VPS41: variants seen among roughly 807,000 people sequenced by gnomAD.
The protein encoded by VPS41 is vacuolar protein sorting-associated protein 41 homolog.
In VPS41, 85 loss-of-function variants were observed where a neutral mutation model predicts 130.9. The ratio of observed to expected loss-of-function variants is 0.65; its 90% CI spans 0.55 to 0.78. The LOEUF (loss-of-function observed/expected upper bound fraction) is 0.78. Ranked by LOEUF, VPS41 falls within the 30% of genes least tolerant of loss-of-function variation. VPS41 has a pLI of 0.00. For synonymous variants in VPS41, 335 were observed against 332.9 expected (o/e 1.01, Z -0.07); for missense variants, 874 against 1,018.7 (o/e 0.86, Z 1.93).
intron 9 of VPS41, among the ~76,000 whole-genome samples, chr7:38,791,190 T>G (rs1362828548): frequency 2.0e-5 from 3 of 152,222 alleles, no homozygotes; most frequent in African/African-American, 7.2e-5. Context: ...TTCTCCAATT[T>G]TCTTCCCTTC....
intron 4 of VPS41, among the ~76,000 whole-genome samples, chr7:38,839,595 A>AT (rs1375052574): frequency 6.6e-6 from 1 of 151,482 alleles, no homozygotes; most frequent in Non-Finnish European, 1.5e-5. Flanking sequence ...CGTCCAGCTA[A>AT]TTTTTTTGTA....
At chr7:38,817,274 C>T (rs1785072056) in intron 7 of VPS41, among the ~76,000 whole-genome samples, 2 of 152,140 alleles carry the variant, frequency 1.3e-5, no homozygotes, top group South Asian at 4.1e-4. Context: ...GATGTAACAG[C>T]TCTCTTATTT....
intron 4 of VPS41, among the ~76,000 whole-genome samples, chr7:38,834,010 C>T (rs555128495): frequency 4.0e-4 from 60 of 151,746 alleles, no homozygotes; most frequent in African/African-American, 9.9e-4. Context: ...AACCTATAAA[C>T]GCTAATTTTC....
At chr7:38,729,331 T>C (rs1795611832) in intron 25 of VPS41, among the ~76,000 whole-genome samples, 1 of 152,162 alleles carries the variant, frequency 6.6e-6, no homozygotes. Flanking sequence ...ACAATCTCTG[T>C]CTTAAATCCC....
At chr7:38,868,880 C>T (rs1350225429) in intron 3 of VPS41, among the ~76,000 whole-genome samples, 2 of 152,112 alleles carry the variant, frequency 1.3e-5, no homozygotes, top group African/African-American at 4.8e-5. Flanking sequence ...ACAGAGTTGC[C>T]AAAACCCGTT....
rs1025299124 is a variant in VPS41, at chr7:38,773,989, C to G, written c.1012+126G>C. The G allele has an allele frequency of 4.1e-5, 37 of 901,848 alleles. No homozygotes were observed. The African/African-American group carries it at 5.8e-4, about 14-fold the overall frequency. 55.9% of individuals were successfully genotyped at this position (901,848 alleles called of 1,614,324 possible). ...CAAATGTCCTTGTTTTCAGCACACA[C>G]AGTCTACGCAGGTATTCTCTTAAGA... is the stretch of plus-strand genomic sequence containing the variant. On this transcript the variant is annotated intron_variant, in intron 12 of 28. Coordinates refer to ENST00000310301, the MANE Select transcript of VPS41 (RefSeq NM_014396.4).
intron 14 of VPS41, among the ~76,000 whole-genome samples, chr7:38,769,581 G>C (rs1467268507): frequency 6.6e-6 from 1 of 151,854 alleles, no homozygotes; most frequent in East Asian, 1.9e-4. Context: ...CCTTCCACAG[G>C]GTATCTCTAT....
chr7:38,796,618 C>A (rs1368686181), intron 8 of VPS41, 127 bp downstream of exon 8: 2 of 1,390,194 alleles, frequency 1.4e-6, no homozygotes, highest in Non-Finnish European at 2.0e-6. Context: ...TGATACCAAT[C>A]GTCCTTACAC....
intron 2 of VPS41, among the ~76,000 whole-genome samples, chr7:38,883,217 G>A (rs888069132): frequency 6.6e-6 from 1 of 152,178 alleles, no homozygotes; most frequent in African/African-American, 2.4e-5. Flanking sequence ...GCTCCAGCCT[G>A]GGTGACAGAG....
At chr7:38,867,308 G>A (rs1337942865) in intron 3 of VPS41, among the ~76,000 whole-genome samples, 1 of 152,154 alleles carries the variant, frequency 6.6e-6, no homozygotes, top group Non-Finnish European at 1.5e-5. Flanking sequence ...CACTTTGGGA[G>A]GCTGAGGCGG....
chr7:38,809,361 TATATA>T (rs201502471), intron 7 of VPS41, among the ~76,000 whole-genome samples: 5,016 of 147,828 alleles, frequency 0.034, 100 homozygotes, highest in Middle Eastern at 0.076. Flanking sequence ...TTTATATATA[TATATA>T]ATATAAAATT....
chr7:38,767,647 A>C, intron 14 of VPS41, 49 bp from the exon 15 acceptor site: 1 of 1,435,704 alleles, frequency 7.0e-7, no homozygotes, highest in Non-Finnish European at 9.8e-7. Context: ...GAAACAACTG[A>C]AAAGTTGAGT....
chr7:38,902,859 C>T (rs540937703), intron 1 of VPS41, among the ~76,000 whole-genome samples: 1 of 152,302 alleles, frequency 6.6e-6, no homozygotes, highest in Admixed American at 6.5e-5. Context: ...TTTTACGTTT[C>T]TTCCCGTACC....
chr7:38,890,947 C>A (rs751943709), intron 2 of VPS41, among the ~76,000 whole-genome samples: 1 of 152,078 alleles, frequency 6.6e-6, no homozygotes, highest in Non-Finnish European at 1.5e-5. Context: ...TGACCTCCCA[C>A]CTCTGTGTTA....
intron 2 of VPS41, among the ~76,000 whole-genome samples, chr7:38,878,137 C>G (rs952285412): frequency 3.9e-5 from 6 of 152,036 alleles, no homozygotes; most frequent in African/African-American, 1.4e-4. Context: ...CAAAGGACCT[C>G]TAATAGCAGG....
chr7:38,906,333 T>G (rs189568226), intron 1 of VPS41, among the ~76,000 whole-genome samples: 2,233 of 86,682 alleles, frequency 0.026, 59 homozygotes, highest in African/African-American at 0.058. Flanking sequence ...GACTGCTGGG[T>G]TTTTTTTTGT....
intron 7 of VPS41, among the ~76,000 whole-genome samples, chr7:38,801,075 G>A (rs1784716448): frequency 6.6e-6 from 1 of 152,184 alleles, no homozygotes. Context: ...GGAAGCAGAG[G>A]TGGCAGAACT....
At chr7:38,867,567 A>G (rs1562616465) in intron 3 of VPS41, among the ~76,000 whole-genome samples, 2 of 152,106 alleles carry the variant, frequency 1.3e-5, no homozygotes, top group East Asian at 1.9e-4. Context: ...ATAAATAAAT[A>G]AAAGAAAGAA....
chr7:38,745,492 C>T, intron 23 of VPS41, 67 bp downstream of exon 23: 1 of 1,299,074 alleles, frequency 7.7e-7, no homozygotes, highest in South Asian at 1.2e-5. Context: ...CTTTCTTACA[C>T]AATTTACTTC....
Sources: allele counts gnomAD v4.1 joint callset (sites outside exome capture counted in the v4.1 genomes callset), GRCh38; gene constraint gnomAD v4.1.1; transcripts MANE v1.5; gene names NCBI Gene and HGNC (gene_info 2026-07-23, HGNC 2026-07-21).